PSPC1: variants seen among roughly 807,000 people sequenced by gnomAD.
PSPC1 encodes the protein paraspeckle component 1.
PSPC1 carries 14 observed loss-of-function variants against 51.6 expected under a neutral mutation model. The ratio of observed to expected loss-of-function variants is 0.27; its 90% CI spans 0.18 to 0.42. PSPC1 has a LOEUF of 0.42. Among genes scored for constraint, PSPC1 ranks in the 10% least tolerant of loss-of-function variants. The pLI is 1.00. For synonymous variants in PSPC1, 193 were observed against 231.9 expected, an observed-to-expected ratio of 0.83 and a Z score of 1.53; for missense variants, 406 against 701.1, an observed-to-expected ratio of 0.58 and a Z score of 4.75.
intron 6 of PSPC1, among the ~76,000 whole-genome samples, chr13:19,728,468 A>G (rs1883637218): frequency 6.6e-6 from 1 of 150,536 alleles, no homozygotes; most frequent in Admixed American, 6.7e-5. Context: ...ACACACACAC[A>G]CACACACACA....
chr13:19,724,495 G>T (rs1231813694), intron 6 of PSPC1, among the ~76,000 whole-genome samples: 1 of 152,186 alleles, frequency 6.6e-6, no homozygotes, highest in Non-Finnish European at 1.5e-5. Context: ...GGCCAGATTG[G>T]ACAATACTGA....
chr13:19,705,296 C>A (rs1040942572), intron 8 of PSPC1, among the ~76,000 whole-genome samples: 2 of 152,194 alleles, frequency 1.3e-5, no homozygotes, highest in Admixed American at 6.5e-5. Flanking sequence ...AGTTTGAGAC[C>A]AGCCTGGCCA....
chr13:19,781,739 G>C lies in PSPC1; in HGVS notation c.372+647C>G, dbSNP rs527608835. Among the ~76,000 whole-genome samples, 8 of 152,194 alleles carry C rather than the reference G, an allele frequency of 5.3e-5. No individual in the cohort carries two copies. The South Asian group carries it at 1.2e-3, about 24-fold the overall frequency. The stretch of plus-strand genomic sequence containing the variant: ...GAGGATCGCTCGTGCTCAGGAGTTC[G>C]AGACCAGCCTGGGCAACATAGCGAG... On this transcript the variant is annotated intron_variant, in intron 1 of 8. Transcript: ENST00000338910.
At chr13:19,720,874 T>C (rs1882687669) in intron 6 of PSPC1, among the ~76,000 whole-genome samples, 1 of 152,130 alleles carries the variant, frequency 6.6e-6, no homozygotes, top group African/African-American at 2.4e-5. Context: ...CTTTGAAAGT[T>C]TGTAATTATA....
chr13:19,694,635 A>G (rs901704709), intron 6 of PSPC1, among the ~76,000 whole-genome samples: 1 of 152,222 alleles, frequency 6.6e-6, no homozygotes, highest in Non-Finnish European at 1.5e-5. Context: ...AAGTCGTTCC[A>G]AGTATGCTTA....
intron 6 of PSPC1, among the ~76,000 whole-genome samples, chr13:19,711,446 C>A (rs1881405880): frequency 6.6e-6 from 1 of 152,002 alleles, no homozygotes. Context: ...ACCATCCTGG[C>A]TAACACGGTG....
chr13:19,739,513 C>T (rs1424508213), intron 5 of PSPC1, among the ~76,000 whole-genome samples: 2 of 151,902 alleles, frequency 1.3e-5, no homozygotes, highest in African/African-American at 2.4e-5. Context: ...TTTGGGAGGC[C>T]GAGGCAGGTA....
chr13:19,700,793 T>C (rs1181549035), downstream of PSPC1, among the ~76,000 whole-genome samples: 3 of 152,134 alleles, frequency 2.0e-5, no homozygotes, highest in African/African-American at 4.8e-5. Flanking sequence ...ATAGCATATA[T>C]GACAACTTCA....
At chr13:19,777,187 T>A (rs1889239985) in intron 1 of PSPC1, among the ~76,000 whole-genome samples, 1 of 148,564 alleles carries the variant, frequency 6.7e-6, no homozygotes, top group Admixed American at 6.8e-5. Context: ...CCCAGCACTT[T>A]GGGAGGCTGA....
chr13:19,770,869 C>G (rs746220826), intron 2 of PSPC1, among the ~76,000 whole-genome samples: 1 of 151,700 alleles, frequency 6.6e-6, no homozygotes, highest in East Asian at 1.9e-4. Context: ...TGCACTGCAG[C>G]CTGGGCGACA....
chr13:19,782,177 C>T lies in PSPC1; in HGVS notation c.372+209G>A, dbSNP rs1226787058. Among the ~76,000 whole-genome samples, 1 of 152,192 alleles carries T rather than the reference C, an allele frequency of 6.6e-6. No homozygotes were observed. The highest frequency in any genetic ancestry group is 1.5e-5 in the Non-Finnish European group (1 of 68,040). On this transcript the variant is annotated intron_variant, in intron 1 of 8. Coordinates refer to ENST00000338910, the MANE Select transcript of PSPC1 (RefSeq NM_001354909.2). This position sits in a 1 kb window ranked among gnomAD's most constrained non-coding sequence, Gnocchi z 4.5. ...GGCAGAAAACGGCGGCCACTGTGAG[C>T]GCAGGAAATCCCGGGACCGTGAACT...
chr13:19,677,383 CCT>C (rs1876783937), intron 7 of PSPC1, among the ~76,000 whole-genome samples: 2 of 151,986 alleles, frequency 1.3e-5, no homozygotes, highest in South Asian at 4.2e-4. Context: ...TGTCATTTCC[CCT>C]CTTAGTCATT....
At chr13:19,771,128 T>G (rs1888582360) in intron 2 of PSPC1, among the ~76,000 whole-genome samples, 1 of 151,728 alleles carries the variant, frequency 6.6e-6, no homozygotes, top group Admixed American at 6.6e-5. Context: ...GATGTTTTTA[T>G]GTTGTTGTTG....
intron 2 of PSPC1, among the ~76,000 whole-genome samples, chr13:19,760,447 G>C (rs1299208905): frequency 2.0e-5 from 3 of 151,376 alleles, no homozygotes; most frequent in East Asian, 1.9e-4. Context: ...AGAATCGCCT[G>C]AACTCAGGAG....
intron 7 of PSPC1, among the ~76,000 whole-genome samples, chr13:19,677,089 C>T (rs1261920648): frequency 2.0e-5 from 3 of 151,906 alleles, no homozygotes; most frequent in Admixed American, 1.3e-4. Context: ...AAAAATTAGC[C>T]GGGCATGGTG....
intron 1 of PSPC1, among the ~76,000 whole-genome samples, chr13:19,777,515 A>G (rs1256908455): frequency 1.3e-5 from 2 of 152,094 alleles, no homozygotes; most frequent in Non-Finnish European, 2.9e-5. Context: ...AAAAATAAAT[A>G]AATGCATTTA....
At chr13:19,728,028 A>G (rs1883563242) in intron 6 of PSPC1, among the ~76,000 whole-genome samples, 4 of 152,192 alleles carry the variant, frequency 2.6e-5, no homozygotes, top group Admixed American at 2.6e-4. Context: ...ATCAAGTATT[A>G]AATAAAACTG....
At chr13:19,716,860 G>C (rs1419809417) in intron 6 of PSPC1, among the ~76,000 whole-genome samples, 1 of 152,028 alleles carries the variant, frequency 6.6e-6, no homozygotes, top group East Asian at 1.9e-4. Flanking sequence ...AGAACAATAA[G>C]GTTATAACCA....
At chr13:19,694,154 T>C (rs1428646837) in intron 6 of PSPC1, among the ~76,000 whole-genome samples, 4 of 3,696 alleles carry the variant, frequency 1.1e-3, no homozygotes, top group African/African-American at 3.1e-4. Context: ...AAAAAAACCA[T>C]ATATATATAT....
Sources: gnomAD v4.1 joint callset for allele counts (sites outside exome capture counted in the v4.1 genomes callset) on GRCh38, gnomAD v4.1.1 for gene constraint, Gnocchi (gnomAD v3.1) non-coding constraint, MANE v1.5 for transcripts, NCBI Gene and HGNC (gene_info 2026-07-23, HGNC 2026-07-21) for gene names.